The following UNC5D variants were observed in gnomAD, a reference collection of about 807,000 sequenced individuals.
UNC5D encodes the protein netrin receptor UNC5D.
Under a neutral mutation model 105.4 loss-of-function variants are expected in UNC5D, and 39 were observed. That is an observed-to-expected ratio of 0.37 (90% CI 0.29 to 0.48). The LOEUF (loss-of-function observed/expected upper bound fraction) is 0.48, where lower values mean the gene tolerates loss of function less well. UNC5D is among the 20% of genes least tolerant of loss of function. The pLI is 0.98. For missense variants in UNC5D, 991 were observed against 1,202.4 expected, an observed-to-expected ratio of 0.82 and a Z score of 2.60; for synonymous variants, 452 against 450.4, an observed-to-expected ratio of 1.00 and a Z score of -0.04.
At chr8:35,269,484 C>A (rs1283567040) in intron 1 of UNC5D, among the ~76,000 whole-genome samples, 1 of 152,208 alleles carries the variant, frequency 6.6e-6, no homozygotes, top group Non-Finnish European at 1.5e-5. Context: ...CCCACGGTCA[C>A]CATTTCCACT....
rs11363785 is a variant in UNC5D at position 35,547,285 on chromosome 8, C to CTTT, written c.104-1989_104-1987dup. ...TGTAGTTCCTCAACAGAACATTACT[C>CTTT]TTTTTTTTTTTTTTTTTTTTAATTG... On this transcript the variant is annotated intron_variant, in intron 1 of 16. Coordinates refer to ENST00000404895, the MANE Select transcript of UNC5D (RefSeq NM_080872.4). Among the ~76,000 whole-genome samples the CTTT allele has an allele frequency of 3.4e-3, 434 of 127,998 alleles. 3 individuals are homozygous for CTTT. Among genetic ancestry groups the CTTT allele is most frequent in the African/African-American group, 9.1e-3 (306 of 33,708 alleles). The allele number at this position is 127,998 out of a possible 152,430, so 84.0% of individuals were successfully genotyped here. A position where few individuals can be genotyped will look rare whatever the true frequency, so the allele number is the denominator to read the frequency against.
chr8:35,689,420 G>C (rs1292930192), intron 7 of UNC5D, among the ~76,000 whole-genome samples: 1 of 152,156 alleles, frequency 6.6e-6, no homozygotes, highest in Non-Finnish European at 1.5e-5. Flanking sequence ...TATTAGTCAG[G>C]GTTCTCCAGA....
chr8:35,705,618 G>C (rs889360594), intron 7 of UNC5D, among the ~76,000 whole-genome samples: 1 of 152,038 alleles, frequency 6.6e-6, no homozygotes, highest in Non-Finnish European at 1.5e-5. Context: ...AGAGTGACAG[G>C]CTGAAAGCTC....
intron 16 of UNC5D, among the ~76,000 whole-genome samples, chr8:35,777,889 T>G (rs1802328470): frequency 6.6e-6 from 1 of 152,170 alleles, no homozygotes; most frequent in Admixed American, 6.5e-5. Flanking sequence ...GAGTACAAGA[T>G]GCAGAGAACC....
At chr8:35,531,097 G>A (rs1487327303) in intron 1 of UNC5D, among the ~76,000 whole-genome samples, 2 of 135,066 alleles carry the variant, frequency 1.5e-5, no homozygotes, top group African/African-American at 5.8e-5. Flanking sequence ...GCTTTTGAAT[G>A]TGTTTGCTCT....
intron 8 of UNC5D, among the ~76,000 whole-genome samples, chr8:35,711,606 T>G (rs1041855389): frequency 9.9e-5 from 15 of 152,122 alleles, no homozygotes; most frequent in Admixed American, 6.5e-5. Context: ...TAGTTTCCCT[T>G]ATGTGTTCTG....
chr8:35,728,159 A>G (rs6989852), intron 10 of UNC5D, among the ~76,000 whole-genome samples: 12,043 of 147,022 alleles, frequency 0.082, 1,547 homozygotes, highest in African/African-American at 0.28. Context: ...GCATTAAGTT[A>G]TGCAATTATC....
At chr8:35,345,319 CAA>C (rs1261233933) in intron 1 of UNC5D, among the ~76,000 whole-genome samples, 1 of 151,656 alleles carries the variant, frequency 6.6e-6, no homozygotes, top group Non-Finnish European at 1.5e-5. Flanking sequence ...GAAAATAACA[CAA>C]AATAGCAGAA....
At chr8:35,533,908 C>T (rs1018889913) in intron 1 of UNC5D, among the ~76,000 whole-genome samples, 5 of 152,194 alleles carry the variant, frequency 3.3e-5, no homozygotes, top group African/African-American at 9.6e-5. Flanking sequence ...CTTCGGCTTG[C>T]GCACGGTGCG....
At chr8:35,545,609 G>A (rs1815602668) in intron 1 of UNC5D, among the ~76,000 whole-genome samples, 3 of 151,930 alleles carry the variant, frequency 2.0e-5, no homozygotes, top group African/African-American at 7.3e-5. Flanking sequence ...GCGGGCTACA[G>A]GGATAGGCAG....
At chr8:35,313,897 ATTATT>A (rs1361484964) in intron 1 of UNC5D, among the ~76,000 whole-genome samples, 10 of 152,204 alleles carry the variant, frequency 6.6e-5, no homozygotes, top group Admixed American at 2.6e-4. Flanking sequence ...GCCCGTTGTC[ATTATT>A]TTAACTTTTG....
At chr8:35,614,928 A>G (rs1055403551) in intron 4 of UNC5D, among the ~76,000 whole-genome samples, 2 of 151,576 alleles carry the variant, frequency 1.3e-5, no homozygotes, top group East Asian at 3.9e-4. Flanking sequence ...TACACTTTTC[A>G]GCTGAGTGTG....
At chr8:35,516,127 A>T (rs943144415) in intron 1 of UNC5D, among the ~76,000 whole-genome samples, 2 of 152,178 alleles carry the variant, frequency 1.3e-5, no homozygotes, top group African/African-American at 4.8e-5. Context: ...GCCAGCACAA[A>T]TTCCACTTTC....
At chr8:35,285,394 T>C (rs1019933580) in intron 1 of UNC5D, among the ~76,000 whole-genome samples, 1 of 152,230 alleles carries the variant, frequency 6.6e-6, no homozygotes, top group Non-Finnish European at 1.5e-5. Context: ...TGTTTGGCTC[T>C]AGTTTTGTTT....
chr8:35,595,193 A>G (rs1819413698), intron 3 of UNC5D, among the ~76,000 whole-genome samples: 1 of 152,232 alleles, frequency 6.6e-6, no homozygotes. Context: ...CAACTGCATA[A>G]TAGCTGTGGA....
chr8:35,259,226 T>C (rs1047950185), intron 1 of UNC5D, among the ~76,000 whole-genome samples: 1 of 152,094 alleles, frequency 6.6e-6, no homozygotes, highest in Non-Finnish European at 1.5e-5. Context: ...TGTGGATTTC[T>C]GAAAGGAATG....
intron 1 of UNC5D, among the ~76,000 whole-genome samples, chr8:35,447,246 ACT>A (rs1807857566): frequency 1.3e-5 from 2 of 152,130 alleles, no homozygotes; most frequent in East Asian, 1.9e-4. Flanking sequence ...CTTATCACTA[ACT>A]CTACAAAATA....
At position 35,373,119 on chromosome 8, in the gene UNC5D, G is replaced by A. The variant is rs183411565; in HGVS notation, c.103+137232G>A. Among the ~76,000 whole-genome samples, 257 of 152,218 alleles carry A rather than the reference G, an allele frequency of 1.7e-3. 2 individuals are homozygous for A. The highest frequency in any genetic ancestry group is 5.9e-3 in the African/African-American group (246 of 41,538). On this transcript the variant is annotated intron_variant, in intron 1 of 16. Transcript: ENST00000404895. ...CTTTCCTGAAGGGTATCCTTTTCAC[G>A]TGTACTTCTTCTGTGGCTTCCTATG...
At chr8:35,478,338 T>G (rs991477729) in intron 1 of UNC5D, among the ~76,000 whole-genome samples, 1 of 152,178 alleles carries the variant, frequency 6.6e-6, no homozygotes, top group African/African-American at 2.4e-5. Context: ...TTAAACTTGA[T>G]GTCAAAAGTT....
Sources: allele counts gnomAD v4.1 joint callset (sites outside exome capture counted in the v4.1 genomes callset), GRCh38; gene constraint gnomAD v4.1.1; transcripts MANE v1.5; gene names NCBI Gene and HGNC (gene_info 2026-07-23, HGNC 2026-07-21).